The following CAMK2D variants were observed in gnomAD, a reference collection of about 807,000 sequenced individuals.
The protein encoded by CAMK2D is calcium/calmodulin dependent protein kinase II delta, also known as calcium/calmodulin-dependent protein kinase type II subunit delta.
Under a neutral mutation model 84.0 loss-of-function variants are expected in CAMK2D, and 37 were observed. The ratio of observed to expected loss-of-function variants is 0.44; its 90% confidence interval spans 0.34 to 0.58. The LOEUF (loss-of-function observed/expected upper bound fraction) is 0.58, where lower values mean the gene tolerates loss of function less well. Among genes scored for constraint, CAMK2D ranks in the 20% least tolerant of loss-of-function variants. The pLI is 0.02. For synonymous variants in CAMK2D, 202 were observed against 212.5 expected, an observed-to-expected ratio of 0.95 and a Z score of 0.43; for missense variants, 448 against 652.5, an observed-to-expected ratio of 0.69 and a Z score of 3.41.
At chr4:113,676,835 T>A (rs2099320170) in intron 2 of CAMK2D, among the ~76,000 whole-genome samples, 1 of 152,230 alleles carries the variant, frequency 6.6e-6, no homozygotes, top group South Asian at 2.1e-4. Flanking sequence ...AACTTACTAT[T>A]CTTTGTCCAA....
At chr4:113,464,882 G>A (rs528420430) in intron 17 of CAMK2D, among the ~76,000 whole-genome samples, 6 of 152,168 alleles carry the variant, frequency 3.9e-5, no homozygotes, top group Admixed American at 3.9e-4. Context: ...ATATTTTTTT[G>A]TGTGTTTGCT....
Position 113,698,428 on chromosome 4 carries a change from T to C in CAMK2D, c.161-36656A>G, listed in dbSNP as rs1040356542. Among the ~76,000 whole-genome samples, 10 of 152,138 alleles carry C rather than the reference T, an allele frequency of 6.6e-5. No individual in the cohort carries two copies. The East Asian group carries it at 1.9e-3, about 29-fold the overall frequency. ...TGGGGATCTCAATAGATGTACCTTGTACAGTTTCTGTGATAATTTAATGAG... is the reference window on the plus strand; with the variant it reads ...TGGGGATCTCAATAGATGTACCTTGCACAGTTTCTGTGATAATTTAATGAG... On this transcript the variant is annotated intron_variant, in intron 2 of 20. Coordinates refer to ENST00000511664, the MANE Select transcript of CAMK2D (RefSeq NM_001321571.2).
chr4:113,527,727 A>G (rs1383210720), intron 8 of CAMK2D, among the ~76,000 whole-genome samples: 1 of 152,154 alleles, frequency 6.6e-6, no homozygotes, highest in Non-Finnish European at 1.5e-5. Context: ...ATTATAAAAA[A>G]AGGTTTTAAA....
At chr4:113,706,663 C>A (rs1436839618) in intron 2 of CAMK2D, among the ~76,000 whole-genome samples, 1 of 152,062 alleles carries the variant, frequency 6.6e-6, no homozygotes, top group Non-Finnish European at 1.5e-5. Flanking sequence ...TTAACATTTC[C>A]TTAGTAAAAT....
intron 2 of CAMK2D, among the ~76,000 whole-genome samples, chr4:113,695,153 C>T (rs750327374): frequency 7.9e-5 from 12 of 152,064 alleles, no homozygotes; most frequent in Non-Finnish European, 1.6e-4. Context: ...ATCTCCCAAG[C>T]TGGATGATAA....
chr4:113,637,354 C>T (rs1470687638), intron 3 of CAMK2D, among the ~76,000 whole-genome samples: 2 of 152,062 alleles, frequency 1.3e-5, no homozygotes, highest in Non-Finnish European at 2.9e-5. Flanking sequence ...CAAAATAGTT[C>T]TATATTCAAA....
At chr4:113,706,779 A>G (rs1312925935) in intron 2 of CAMK2D, among the ~76,000 whole-genome samples, 1 of 152,234 alleles carries the variant, frequency 6.6e-6, no homozygotes, top group East Asian at 1.9e-4. Context: ...TGGGGTTAGT[A>G]TATTAGAAAA....
At chr4:113,666,600 T>TGCACAC (rs1561702845) in intron 2 of CAMK2D, among the ~76,000 whole-genome samples, 1 of 151,768 alleles carries the variant, frequency 6.6e-6, no homozygotes, top group Non-Finnish European at 1.5e-5. Context: ...CACGCACGCA[T>TGCACAC]GCACACACAC....
chr4:113,568,497 T>C (rs1486140479), intron 4 of CAMK2D, among the ~76,000 whole-genome samples: 1 of 152,236 alleles, frequency 6.6e-6, no homozygotes, highest in African/African-American at 2.4e-5. Flanking sequence ...ATTTGTGTTG[T>C]TTCCACCTTT....
rs9992326 is a variant in CAMK2D, at chr4:113,529,065, C to T, written c.601+2151G>A. Among the ~76,000 whole-genome samples the T allele has an allele frequency of 7.6e-3, 1,161 of 152,216 alleles. 18 individuals are homozygous for T. The highest frequency in any genetic ancestry group is 0.026 in the African/African-American group (1,084 of 41,530). On this transcript the variant is annotated intron_variant, in intron 8 of 20. Coordinates refer to ENST00000511664, the MANE Select transcript of CAMK2D (RefSeq NM_001321571.2). ...TTTAAAGTGCACTGCATTTGACCCT[C>T]CTACAATTCAATGAGGGTAACATAT...
intron 3 of CAMK2D, among the ~76,000 whole-genome samples, chr4:113,644,848 AG>A (rs2099145122): frequency 6.6e-6 from 1 of 152,306 alleles, no homozygotes; most frequent in South Asian, 2.1e-4. Context: ...AAGAAAAAAA[AG>A]CATTAGGGAG....
At chr4:113,625,435 G>T (rs890313721) in intron 3 of CAMK2D, among the ~76,000 whole-genome samples, 1 of 152,150 alleles carries the variant, frequency 6.6e-6, no homozygotes, top group Non-Finnish European at 1.5e-5. Flanking sequence ...AGAAGGGAAA[G>T]AAAGGGTATT....
intron 2 of CAMK2D, among the ~76,000 whole-genome samples, chr4:113,709,766 T>TATATATATATATATATATATATATAC (rs2099485346): frequency 8.4e-6 from 1 of 119,748 alleles, no homozygotes; most frequent in Non-Finnish European, 1.7e-5. Context: ...TATATATATA[T>TATATATATATATATATATATATATAC]ATATATATAT....
chr4:113,556,177 A>C (rs2098663422), intron 4 of CAMK2D, among the ~76,000 whole-genome samples: 1 of 152,206 alleles, frequency 6.6e-6, no homozygotes. Flanking sequence ...CAACCCTATG[A>C]AGTAGATACT....
At chr4:113,705,432 A>G (rs2099446543) in intron 2 of CAMK2D, among the ~76,000 whole-genome samples, 1 of 152,054 alleles carries the variant, frequency 6.6e-6, no homozygotes, top group Non-Finnish European at 1.5e-5. Flanking sequence ...CAGCAGCTAT[A>G]TACTCCACAC....
chr4:113,659,336 C>G (rs1301000748), intron 3 of CAMK2D, among the ~76,000 whole-genome samples: 1 of 152,178 alleles, frequency 6.6e-6, no homozygotes. Flanking sequence ...TGGTTCATTG[C>G]GTAATTTCTC....
At chr4:113,657,179 C>G (rs902434155) in intron 3 of CAMK2D, among the ~76,000 whole-genome samples, 1 of 152,134 alleles carries the variant, frequency 6.6e-6, no homozygotes, top group African/African-American at 2.4e-5. Context: ...TGCAATAGTA[C>G]AAAATAAAAT....
At chr4:113,559,348 T>A (rs769723184) in intron 4 of CAMK2D, among the ~76,000 whole-genome samples, 18 of 152,264 alleles carry the variant, frequency 1.2e-4, no homozygotes, top group Non-Finnish European at 2.2e-4. Context: ...AATATGGACA[T>A]GATTATTTTT....
At chr4:113,575,940 T>C (rs2098779648) in intron 4 of CAMK2D, among the ~76,000 whole-genome samples, 1 of 152,166 alleles carries the variant, frequency 6.6e-6, no homozygotes, top group African/African-American at 2.4e-5. Context: ...GCATAAACTA[T>C]ATTGCTATTT....
Sources: allele counts gnomAD v4.1 joint callset (sites outside exome capture counted in the v4.1 genomes callset), GRCh38; gene constraint gnomAD v4.1.1; transcripts MANE v1.5; gene names NCBI Gene and HGNC (gene_info 2026-07-23, HGNC 2026-07-21).